TTLL5: variants seen among roughly 807,000 people sequenced by gnomAD.
TTLL5 encodes tubulin tyrosine ligase like 5, also known as tubulin polyglutamylase TTLL5.
In TTLL5, 132 loss-of-function variants were observed where a neutral mutation model predicts 168.4. The ratio of observed to expected loss-of-function variants is 0.78; its 90% confidence interval spans 0.68 to 0.91. The LOEUF (loss-of-function observed/expected upper bound fraction) is 0.91, where lower values mean the gene tolerates loss of function less well. Ranked by LOEUF, TTLL5 falls within the 40% of genes least tolerant of loss-of-function variation. The pLI, the probability that TTLL5 is intolerant of heterozygous loss-of-function variation, is 0.00. For missense variants in TTLL5, 1,545 were observed against 1,581.5 expected, an observed-to-expected ratio of 0.98 and a Z score of 0.39; for synonymous variants, 546 against 558.6, an observed-to-expected ratio of 0.98 and a Z score of 0.32.
chr14:75,671,418 C>T (rs2140095297), intron 3 of TTLL5, among the ~76,000 whole-genome samples: 1 of 152,224 alleles, frequency 6.6e-6, no homozygotes, highest in East Asian at 1.9e-4. Flanking sequence ...ATCAGCTTTT[C>T]CCCTTTCTTC....
At chr14:75,731,590 AAG>A (rs1384588710) in intron 12 of TTLL5, among the ~76,000 whole-genome samples, 3 of 152,188 alleles carry the variant, frequency 2.0e-5, no homozygotes, top group African/African-American at 2.4e-5. Context: ...AAGGTAGAGA[AAG>A]AGAATCAATA....
intron 20 of TTLL5, among the ~76,000 whole-genome samples, chr14:75,768,083 G>T (rs367599807): frequency 6.6e-6 from 1 of 152,214 alleles, no homozygotes; most frequent in Non-Finnish European, 1.5e-5. Flanking sequence ...GAACAGGATT[G>T]TATAGTTGGT....
intron 31 of TTLL5, among the ~76,000 whole-genome samples, chr14:75,939,769 C>G (rs2034542097): frequency 6.6e-6 from 1 of 152,116 alleles, no homozygotes; most frequent in Non-Finnish European, 1.5e-5. Flanking sequence ...GTATCCAGCA[C>G]CCTCTTTGAC....
intron 6 of TTLL5, among the ~76,000 whole-genome samples, chr14:75,694,301 A>G (rs1885669660): frequency 2.0e-5 from 3 of 152,248 alleles, no homozygotes; most frequent in African/African-American, 4.8e-5. Context: ...TTTCAAGAAC[A>G]TTCAGGATTT....
intron 9 of TTLL5, among the ~76,000 whole-genome samples, chr14:75,716,885 T>G (rs1164427983): frequency 6.6e-6 from 1 of 152,204 alleles, no homozygotes; most frequent in Non-Finnish European, 1.5e-5. Flanking sequence ...GTGGGCTCCA[T>G]GTTTAATTCC....
At chr14:75,755,938 T>C (rs1425983602) in intron 18 of TTLL5, among the ~76,000 whole-genome samples, 1 of 152,122 alleles carries the variant, frequency 6.6e-6, no homozygotes, top group Non-Finnish European at 1.5e-5. Flanking sequence ...TGTCTTATAC[T>C]ATGGCAGTTG....
Position 75,793,036 on chromosome 14 carries a change from T to A in TTLL5, c.3107T>A (p.Leu1036Gln). ...QSMVTAELQR[L>Q]AEKQAARQYS... is the part of the protein sequence containing the mutation. ...ATGGTTACAGCTGAACTTCAGCGGC[T>A]AGCTGAGAAGCAGGCAGCGAGACAG... Residue 1036 changes from leucine to glutamine, a missense_variant, in exon 27 of 32, where the codon CTA becomes CAA. Transcript: ENST00000298832. The A allele has an allele frequency of 6.2e-7, 1 of 1,613,922 alleles. No individual in the cohort carries two copies. The highest frequency in any genetic ancestry group is 8.5e-7 in the Non-Finnish European group (1 of 1,179,818).
rs569893367 is a variant in TTLL5 at position 75,831,962 on chromosome 14, A to G, written c.3326+11801A>G. ...TCTGTCCGTTTCTGATCACTTGCCA[A>G]CGGAGGGGTAGAGTCCTCTTCTGTT... On this transcript the variant is annotated intron_variant, in intron 28 of 31. Coordinates refer to ENST00000298832, the MANE Select transcript of TTLL5 (RefSeq NM_015072.5). Among the ~76,000 whole-genome samples the G allele has an allele frequency of 6.6e-5, 10 of 152,282 alleles. No individual in the cohort carries two copies. In the South Asian group the frequency reaches 2.1e-3, roughly 32 times the overall value.
intron 28 of TTLL5, among the ~76,000 whole-genome samples, chr14:75,857,576 T>G (rs1057333450): frequency 1.1e-4 from 16 of 152,146 alleles, no homozygotes; most frequent in African/African-American, 3.9e-4. Flanking sequence ...AAGTTTTTTT[T>G]TTCTCTGCTC....
At chr14:75,749,254 T>C (rs1241546425) in intron 17 of TTLL5, among the ~76,000 whole-genome samples, 2 of 152,176 alleles carry the variant, frequency 1.3e-5, no homozygotes, top group African/African-American at 4.8e-5. Context: ...TTTCAAGATA[T>C]AGGACCTTAC....
At chr14:75,848,207 AAG>A (rs1192062709) in intron 28 of TTLL5, among the ~76,000 whole-genome samples, 1 of 152,028 alleles carries the variant, frequency 6.6e-6, no homozygotes, top group African/African-American at 2.4e-5. Context: ...TCCTGGGGAA[AAG>A]AGAAGTGAAG....
At chr14:75,878,035 A>C (rs996596589) in intron 29 of TTLL5, among the ~76,000 whole-genome samples, 2 of 152,190 alleles carry the variant, frequency 1.3e-5, no homozygotes, top group Admixed American at 6.5e-5. Context: ...ATGGCATGCA[A>C]TTATAATCAT....
chr14:75,702,213 A>C (rs773070553), intron 7 of TTLL5, among the ~76,000 whole-genome samples: 17 of 152,216 alleles, frequency 1.1e-4, no homozygotes, highest in Non-Finnish European at 2.5e-4. Flanking sequence ...GGCCTAGGCC[A>C]CTCTGGAGGC....
chr14:75,951,190 G>A (rs2034950268), intron 31 of TTLL5, among the ~76,000 whole-genome samples: 1 of 150,658 alleles, frequency 6.6e-6, no homozygotes, highest in Non-Finnish European at 1.5e-5. Context: ...CAAAAAAATA[G>A]AGAAAAAATT....
intron 19 of TTLL5, among the ~76,000 whole-genome samples, chr14:75,765,475 T>C (rs759226025): frequency 7.9e-5 from 12 of 152,230 alleles, no homozygotes; most frequent in Non-Finnish European, 1.5e-4. Flanking sequence ...TTTGTTTTTT[T>C]ATTTTTATTT....
At chr14:75,773,846 C>T (rs1891486545) in intron 21 of TTLL5, among the ~76,000 whole-genome samples, 1 of 143,906 alleles carries the variant, frequency 6.9e-6, no homozygotes, top group African/African-American at 2.6e-5. Flanking sequence ...GCTGAGATCA[C>T]ACCACTGCAC....
At chr14:75,691,400 C>G (rs939167400) in intron 6 of TTLL5, among the ~76,000 whole-genome samples, 2 of 152,172 alleles carry the variant, frequency 1.3e-5, no homozygotes, top group African/African-American at 4.8e-5. Context: ...TTGTGAAAGT[C>G]CAAATTACGG....
intron 28 of TTLL5, among the ~76,000 whole-genome samples, chr14:75,858,114 G>T (rs746064481): frequency 6.6e-6 from 1 of 152,194 alleles, no homozygotes; most frequent in Non-Finnish European, 1.5e-5. Flanking sequence ...CTGCGGAGAG[G>T]TTGGGAGGAG....
chr14:75,846,792 G>GAAAAAAAAAA (rs5809732), intron 28 of TTLL5, among the ~76,000 whole-genome samples: 3 of 99,226 alleles, frequency 3.0e-5, no homozygotes, highest in Admixed American at 1.1e-4. Flanking sequence ...CTCCATCTCA[G>GAAAAAAAAAA]AAAAAAAAAA....
Sources: allele counts gnomAD v4.1 joint callset (sites outside exome capture counted in the v4.1 genomes callset), GRCh38; gene constraint gnomAD v4.1.1; transcripts MANE v1.5; gene names NCBI Gene and HGNC (gene_info 2026-07-23, HGNC 2026-07-21).